The following PARG variants were observed in gnomAD, a reference collection of about 807,000 sequenced individuals.
PARG encodes poly(ADP-ribose) glycohydrolase.
A neutral mutation model predicts 113.0 loss-of-function variants in PARG; 35 were observed. The observed-to-expected ratio is 0.31, with a 90% CI of 0.24 to 0.41. The LOEUF (loss-of-function observed/expected upper bound fraction) is 0.41. Ranked by LOEUF, PARG falls within the 10% of genes least tolerant of loss-of-function variation. The pLI, the probability that PARG is intolerant of heterozygous loss-of-function variation, is 1.00. For synonymous variants in PARG, 330 were observed against 409.9 expected, an observed-to-expected ratio of 0.81 and a Z score of 2.36; for missense variants, 797 against 1,169.4, an observed-to-expected ratio of 0.68 and a Z score of 4.64.
At chr10:49,893,549 C>T (rs1490476922) in intron 7 of PARG, among the ~76,000 whole-genome samples, 3 of 152,206 alleles carry the variant, frequency 2.0e-5, no homozygotes, top group Admixed American at 1.3e-4. Flanking sequence ...CAGGGTCTCA[C>T]TGTGTCGCCA....
In PARG at chr10:49,926,815, A is replaced by G. The variant is rs562672361; in HGVS notation, c.1456-4146T>C. Among the ~76,000 whole-genome samples the G allele has an allele frequency of 1.1e-3, 165 of 152,308 alleles. 1 individual carries two copies. The highest frequency in any genetic ancestry group is 8.9e-3 in the East Asian group (46 of 5,182). ...CCAATAACTTCTGCTTTCCTAGAAT[A>G]TATCTCTGCCTTTAAAAAATCTTGC... On this transcript the variant is annotated intron_variant, in intron 4 of 17. Coordinates refer to ENST00000616448, the MANE Select transcript of PARG (RefSeq NM_003631.5).
chr10:49,860,706 A>C (rs1554835789), intron 12 of PARG, among the ~76,000 whole-genome samples: 7 of 151,902 alleles, frequency 4.6e-5, no homozygotes, highest in Non-Finnish European at 7.4e-5. Flanking sequence ...AAATCAGTCC[A>C]TTTTCAGGCA....
chr10:49,852,895 C>T (rs1367953174), intron 13 of PARG, among the ~76,000 whole-genome samples: 1 of 150,260 alleles, frequency 6.7e-6, no homozygotes, highest in South Asian at 2.1e-4. Context: ...AGAAATTAAG[C>T]AAATGAAACA....
At chr10:49,902,316 A>G (rs534586258) in intron 7 of PARG, among the ~76,000 whole-genome samples, 14 of 152,340 alleles carry the variant, frequency 9.2e-5, no homozygotes, top group African/African-American at 3.1e-4. Flanking sequence ...TTCCTCTTGA[A>G]GTAATTTTGG....
chr10:49,940,015 T>C (rs1350756826), intron 1 of PARG, among the ~76,000 whole-genome samples: 1 of 152,264 alleles, frequency 6.6e-6, no homozygotes, highest in Non-Finnish European at 1.5e-5. Context: ...TAAACTTTGG[T>C]GTTCCTAAGG....
At chr10:49,828,110 A>C (rs1049768653) in intron 16 of PARG, among the ~76,000 whole-genome samples, 50 of 148,050 alleles carry the variant, frequency 3.4e-4, no homozygotes, top group Non-Finnish European at 6.0e-4. Flanking sequence ...AAAAAAAAAA[A>C]AAAAAAAAAA....
Position 49,819,471 on chromosome 10 carries a change from G to A in PARG, c.2800C>T (p.Arg934Ter), listed in dbSNP as rs1312691149. ...TTTCTGCATTCTTCATTGTAGTATC[G>A]TAGCAACAGCTTATACACATCTCCT... ...TVGDVYKLLLRYYNEECRNCS... is the reference protein window; with the variant it reads ...TVGDVYKLLL Residue 934 changes from arginine to a stop codon, truncating the protein, a stop_gained, in exon 18 of 18, where the codon CGA (arginine) becomes TGA (stop). Coordinates refer to ENST00000616448, the MANE Select transcript of PARG (RefSeq NM_003631.5). LOFTEE classifies it high-confidence loss of function. 4 of 1,551,118 alleles carry A rather than the reference G, an allele frequency of 2.6e-6. No homozygotes were observed. The highest frequency in any genetic ancestry group is 1.4e-5 in the African/African-American group (1 of 73,002).
intron 13 of PARG, among the ~76,000 whole-genome samples, chr10:49,852,984 AT>A (rs1845825079): frequency 6.6e-6 from 1 of 150,738 alleles, no homozygotes; most frequent in African/African-American, 2.4e-5. Context: ...CTGATGGGAT[AT>A]TTTGTTCTCA....
chr10:49,853,120 G>T (rs553178982), intron 13 of PARG, among the ~76,000 whole-genome samples: 1 of 140,868 alleles, frequency 7.1e-6, no homozygotes, highest in Non-Finnish European at 1.5e-5. Flanking sequence ...TGCAAGCTCC[G>T]CCTCCTGGGT....
At position 49,879,700 on chromosome 10, in the gene PARG, G is replaced by A; in HGVS notation, c.1961C>T (p.Ser654Phe). The A allele has an allele frequency of 1.3e-6, 2 of 1,558,920 alleles. No individual in the cohort carries two copies. The highest frequency in any genetic ancestry group is 1.7e-6 in the Non-Finnish European group (2 of 1,150,434). Residue 654 changes from serine (S) to phenylalanine (F), a missense_variant, in exon 9 of 18, where the codon TCT becomes TTT. This residue lies in a region of PARG where 252 missense variants were observed against 437.4 expected (regional missense o/e 0.58). Coordinates refer to ENST00000616448, the MANE Select transcript of PARG (RefSeq NM_003631.5). ...ATTGAAGTTAATGTCTGGGTAACTA[G>A]AATACTCCGATTTCATCTTAGCATT... ...RRNAKMKSEY[S>F]SYPDINFNRL...
chr10:49,908,077 C>A (rs1158043030), intron 7 of PARG, among the ~76,000 whole-genome samples: 7 of 152,250 alleles, frequency 4.6e-5, no homozygotes. Flanking sequence ...TAAATAAATA[C>A]AATCCAGATA....
chr10:49,881,318 T>C (rs1474965586), intron 8 of PARG, among the ~76,000 whole-genome samples: 1 of 152,204 alleles, frequency 6.6e-6, no homozygotes, highest in African/African-American at 2.4e-5. Flanking sequence ...GTTACTCCCA[T>C]TTGGCTCAAA....
intron 16 of PARG, among the ~76,000 whole-genome samples, chr10:49,829,708 C>T (rs1844562480): frequency 6.6e-6 from 1 of 152,100 alleles, no homozygotes; most frequent in South Asian, 2.1e-4. Flanking sequence ...ATAGTTAATC[C>T]TGGCACGTAA....
intron 7 of PARG, chr10:49,908,652 TA>T (rs1836993813): frequency 6.6e-6 from 1 of 152,218 alleles, no homozygotes; most frequent in Admixed American, 6.5e-5. Context: ...AGATACTTGA[TA>T]TTTTTTAAGC....
rs148266247 is a variant in PARG, at chr10:49,892,171, G to A, written c.1738-6876C>T. Among the ~76,000 whole-genome samples the A allele has an allele frequency of 2.2e-4, 34 of 151,884 alleles. No individual in the cohort carries two copies. The East Asian group carries it at 5.4e-3, about 24-fold the overall frequency. ...AGTTGAAATTATGTTGCTCAATTTCGTATTTTTTCTCACCAAATATGACAA... is the reference window on the plus strand; with the variant it reads ...AGTTGAAATTATGTTGCTCAATTTCATATTTTTTCTCACCAAATATGACAA... On this transcript the variant is annotated intron_variant, in intron 7 of 17. Transcript: ENST00000616448.
intron 12 of PARG, among the ~76,000 whole-genome samples, chr10:49,859,543 C>T (rs1228600928): frequency 1.3e-5 from 2 of 151,892 alleles, no homozygotes; most frequent in Non-Finnish European, 2.9e-5. Context: ...TGGCTGAGTG[C>T]CTAAAAGTAT....
intron 1 of PARG, among the ~76,000 whole-genome samples, chr10:49,939,378 C>T (rs1838905164): frequency 3.3e-5 from 5 of 152,208 alleles, no homozygotes; most frequent in African/African-American, 4.8e-5. Flanking sequence ...TGAAATAACA[C>T]AGACAATATA....
intron 7 of PARG, among the ~76,000 whole-genome samples, chr10:49,892,101 A>G (rs1554841699): frequency 6.6e-6 from 1 of 152,048 alleles, no homozygotes; most frequent in East Asian, 1.9e-4. Flanking sequence ...CATAACCAAT[A>G]TTTATACCTA....
intron 4 of PARG, among the ~76,000 whole-genome samples, chr10:49,930,141 T>C: frequency 6.6e-6 from 1 of 152,320 alleles, no homozygotes; most frequent in Non-Finnish European, 1.5e-5. Context: ...ATGGGTTATC[T>C]TGGCAAAAAC....
Sources: gnomAD v4.1 joint callset for allele counts (sites outside exome capture counted in the v4.1 genomes callset) on GRCh38, gnomAD v4.1.1 for gene constraint, gnomAD v4.1.1 regional missense constraint, MANE v1.5 for transcripts, NCBI Gene and HGNC (gene_info 2026-07-23, HGNC 2026-07-21) for gene names.